ZNF680: variants seen among roughly 807,000 people sequenced by gnomAD.
ZNF680 encodes hypothetical protein FLJ90430.
In ZNF680, 6 loss-of-function variants were observed where a neutral mutation model predicts 12.1. The ratio of observed to expected loss-of-function variants is 0.49; its 90% CI spans 0.27 to 0.98. The LOEUF (loss-of-function observed/expected upper bound fraction) is 0.98, where lower values mean the gene tolerates loss of function less well. Among genes scored for constraint, ZNF680 ranks in the 50% least tolerant of loss-of-function variants. The pLI, the probability that ZNF680 is intolerant of heterozygous loss-of-function variation, is 0.12. For missense variants in ZNF680, 561 were observed against 616.3 expected, an observed-to-expected ratio of 0.91 and a Z score of 0.95; for synonymous variants, 170 against 199.3, an observed-to-expected ratio of 0.85 and a Z score of 1.24.
chr7:64,515,015 C>T (rs1791318395), downstream of ZNF680, among the ~76,000 whole-genome samples: 1 of 151,270 alleles, frequency 6.6e-6, no homozygotes, highest in Admixed American at 6.6e-5. Flanking sequence ...TGCACTCCAG[C>T]CTGGGCAACA....
At position 64,539,351 on chromosome 7, in the gene ZNF680, C is replaced by CAAA. The variant is rs1170166478; in HGVS notation, c.253+4353_253+4355dup. ...GGGCAACAAGAGCAAAACTTCGTCT[C>CAAA]AAAAAAAAAAAAAAAAAAAAAAAAG... On this transcript the variant is annotated intron_variant, in intron 3 of 3. Coordinates refer to ENST00000309683, the MANE Select transcript of ZNF680 (RefSeq NM_178558.5). Among the ~76,000 whole-genome samples, 214 of 48,390 alleles carry CAAA rather than the reference C, an allele frequency of 4.4e-3. 1 individual carries two copies. The highest frequency in any genetic ancestry group is 7.3e-3 in the East Asian group (9 of 1,234). The allele number at this position is 48,390 out of a possible 152,430, so 31.7% of individuals were successfully genotyped here.
chr7:64,553,158 T>C lies in ZNF680; in HGVS notation c.31-8726A>G, dbSNP rs1437240328. Among the ~76,000 whole-genome samples, 8 of 151,328 alleles carry C rather than the reference T, an allele frequency of 5.3e-5. No homozygotes were observed. The East Asian group carries it at 1.6e-3, about 29-fold the overall frequency. ...AAAAAAAAAAGTATATGATTGTAGG[T>C]TGTCTACAAATGCTTCCTGTGACAA... On this transcript the variant is annotated intron_variant, in intron 1 of 3. Transcript: ENST00000309683.
chr7:64,537,037 T>C (rs546960023), intron 3 of ZNF680, among the ~76,000 whole-genome samples: 1 of 152,192 alleles, frequency 6.6e-6, no homozygotes, highest in South Asian at 2.1e-4. Context: ...GCCACTGCAC[T>C]CCAGCCTGAG....
At chr7:64,518,362 C>T (rs144389803), downstream of ZNF680, among the ~76,000 whole-genome samples, 229 of 151,900 alleles carry the variant, frequency 1.5e-3, no homozygotes, top group Middle Eastern at 6.8e-3. Flanking sequence ...TATACCTAAA[C>T]AATGACATGA....
chr7:64,533,121 AC>A (rs1196865727), intron 3 of ZNF680, among the ~76,000 whole-genome samples: 3 of 152,148 alleles, frequency 2.0e-5, no homozygotes, highest in Non-Finnish European at 4.4e-5. Flanking sequence ...AGACAAGGAT[AC>A]CCACTCTCAC....
the ZNF680 span, among the ~76,000 whole-genome samples, chr7:64,508,522 C>A: frequency 7.2e-5 from 11 of 152,126 alleles, no homozygotes; most frequent in Non-Finnish European, 1.5e-4. Context: ...TGTACACTCG[C>A]TACGTGACTA....
rs1479770982 is a variant in ZNF680 at position 64,521,486 on chromosome 7, C to T, written c.1268G>A (p.Arg423Gln). Residue 423 changes from arginine to glutamine, a missense_variant, in exon 4 of 4, where the codon CGA (arginine) becomes CAA (glutamine). By Grantham distance (43) the Arg-to-Gln change is conservative (BLOSUM62 1). Transcript: ENST00000309683. ...CTCTCTAGTGTGAATTCTCTTATGT[C>T]GAGTAAGGCTGGAGCACCCATTAAA... ...KAFNGCSSLT[R>Q]HKRIHTRENT... is the part of the protein sequence containing the mutation. 5.6e-6 allele frequency: 9 copies of T among 1,612,126 alleles called. No homozygotes were observed. The highest frequency in any genetic ancestry group is 1.1e-5 in the South Asian group (1 of 90,988).
chr7:64,538,832 C>T (rs1786320145), intron 3 of ZNF680, among the ~76,000 whole-genome samples: 1 of 152,044 alleles, frequency 6.6e-6, no homozygotes, highest in Non-Finnish European at 1.5e-5. Context: ...GTACCAGCAT[C>T]ACAAAAGCCA....
At chr7:64,552,098 G>C (rs889006408) in intron 1 of ZNF680, 15 of 152,090 alleles carry the variant, frequency 9.9e-5, no homozygotes, top group African/African-American at 3.6e-4. Flanking sequence ...CTGTCACTCA[G>C]GTTAGAGTGC....
chr7:64,544,175 C>G, intron 2 of ZNF680, 131 bp downstream of exon 2: 7 of 1,363,926 alleles, frequency 5.1e-6, no homozygotes, highest in Non-Finnish European at 6.9e-6. Flanking sequence ...ATGGACAAAG[C>G]TCAAAGATTT....
chr7:64,504,345 G>T, the ZNF680 span, among the ~76,000 whole-genome samples: 2 of 152,132 alleles, frequency 1.3e-5, no homozygotes, highest in Non-Finnish European at 2.9e-5. Flanking sequence ...TGGTATTCAC[G>T]TGCCAAACAC....
chr7:64,542,382 CAAAA>C (rs906567026), intron 3 of ZNF680, among the ~76,000 whole-genome samples: 5 of 152,018 alleles, frequency 3.3e-5, no homozygotes, highest in Non-Finnish European at 7.4e-5. Flanking sequence ...AAAAATTAGT[CAAAA>C]AAAGTTTTTA....
At position 64,521,410 on chromosome 7, in the gene ZNF680, G is replaced by C; in HGVS notation, c.1344C>G (p.Thr448=). The C allele has an allele frequency of 6.2e-7, 1 of 1,613,590 alleles. No homozygotes were observed. Among genetic ancestry groups the C allele is most frequent in the Non-Finnish European group, 8.5e-7 (1 of 1,179,674 alleles). ...ECGKGFTLFS[T]LTNHKVIHTG... is the part of the protein sequence containing the mutation. ...TATGAATTACTTTATGGTTAGTAAG[G>C]GTTGAAAATAAAGTAAAGCCTTTGC... is the stretch of plus-strand genomic sequence containing the variant. The change falls in exon 4 of 4, where the codon ACC becomes ACG. Residue 448 remains threonine (T), a synonymous_variant. Transcript: ENST00000309683.
chr7:64,546,318 AC>A (rs992948490), intron 1 of ZNF680, among the ~76,000 whole-genome samples: 6 of 152,062 alleles, frequency 3.9e-5, no homozygotes, highest in African/African-American at 7.2e-5. Context: ...AGGTGTCAGC[AC>A]CCCCTGTTTA....
At position 64,530,874 on chromosome 7, in the gene ZNF680, A is replaced by AAAT. The variant is rs368369052; in HGVS notation, c.254-8377_254-8375dup. Among the ~76,000 whole-genome samples, 14 of 147,382 alleles carry AAAT rather than the reference A, an allele frequency of 9.5e-5. No individual in the cohort carries two copies. In the South Asian group the frequency reaches 1.9e-3, roughly 20 times the overall value. On this transcript the variant is annotated intron_variant, in intron 3 of 3. Coordinates refer to ENST00000309683, the MANE Select transcript of ZNF680 (RefSeq NM_178558.5). The stretch of plus-strand genomic sequence containing the variant: ...CTCCATCTCAAAAAAAAAAATTTAA[A>AAAT]AATAATAATAATAATAATAGTAATA...
intron 1 of ZNF680, among the ~76,000 whole-genome samples, chr7:64,546,160 C>T (rs1786775357): frequency 6.6e-6 from 1 of 152,060 alleles, no homozygotes; most frequent in East Asian, 1.9e-4. Context: ...CATGGCATTC[C>T]AGGAGGAAGA....
At chr7:64,562,878 C>A in intron 1 of ZNF680, 47 bp downstream of exon 1, 2 of 1,612,040 alleles carry the variant, frequency 1.2e-6, no homozygotes. Flanking sequence ...CCGACCGGTT[C>A]CAACCAGCCC....
chr7:64,502,148 C>A, the ZNF680 span, among the ~76,000 whole-genome samples: 1 of 151,624 alleles, frequency 6.6e-6, no homozygotes, highest in Non-Finnish European at 1.5e-5. Flanking sequence ...GGATTGCAGG[C>A]GCGTGCTACC....
chr7:64,540,430 A>G (rs1454929932), intron 3 of ZNF680, among the ~76,000 whole-genome samples: 1 of 151,044 alleles, frequency 6.6e-6, no homozygotes, highest in Non-Finnish European at 1.5e-5. Flanking sequence ...TCAGCCTCCC[A>G]AGTAGCTGGG....
Sources: gnomAD v4.1 joint callset for allele counts (sites outside exome capture counted in the v4.1 genomes callset) on GRCh38, gnomAD v4.1.1 for gene constraint, MANE v1.5 for transcripts, NCBI Gene and HGNC (gene_info 2026-07-23, HGNC 2026-07-21) for gene names.